ALCAM: variants seen among roughly 807,000 people sequenced by gnomAD.
ALCAM encodes the protein CD166 antigen.
ALCAM carries 30 observed loss-of-function variants against 70.9 expected under a neutral mutation model. The ratio of observed to expected loss-of-function variants is 0.42; its 90% CI spans 0.32 to 0.57. The LOEUF (loss-of-function observed/expected upper bound fraction) is 0.57. Ranked by LOEUF, ALCAM falls within the 20% of genes least tolerant of loss-of-function variation. The pLI, the probability that ALCAM is intolerant of heterozygous loss-of-function variation, is 0.11. For synonymous variants in ALCAM, 249 were observed against 242.5 expected (o/e 1.03, Z -0.25); for missense variants, 591 against 695.1 (o/e 0.85, Z 1.68).
chr3:105,453,650 A>G (rs1937486958), intron 1 of ALCAM, among the ~76,000 whole-genome samples: 1 of 152,194 alleles, frequency 6.6e-6, no homozygotes, highest in African/African-American at 2.4e-5. Context: ...CTGAATCTAT[A>G]AATTACTTTG....
chr3:105,407,283 A>G (rs995240481), intron 1 of ALCAM, among the ~76,000 whole-genome samples: 23 of 151,998 alleles, frequency 1.5e-4, no homozygotes, highest in Admixed American at 2.0e-4. Flanking sequence ...AAAACAACAG[A>G]TCAGTATCCC....
chr3:105,466,574 C>T (rs1937743795), intron 1 of ALCAM, among the ~76,000 whole-genome samples: 2 of 151,172 alleles, frequency 1.3e-5, no homozygotes, highest in Non-Finnish European at 3.0e-5. Context: ...TTTTCATGTG[C>T]CAGGATGTGG....
At chr3:105,488,810 T>C (rs778782391) in intron 1 of ALCAM, among the ~76,000 whole-genome samples, 10 of 152,230 alleles carry the variant, frequency 6.6e-5, no homozygotes, top group Non-Finnish European at 2.9e-5. Flanking sequence ...TACAGGATGT[T>C]AATGCTTGAT....
intron 1 of ALCAM, among the ~76,000 whole-genome samples, chr3:105,379,390 A>G (rs779057680): frequency 6.6e-6 from 1 of 151,872 alleles, no homozygotes; most frequent in Non-Finnish European, 1.5e-5. Flanking sequence ...AATCTCAATG[A>G]ATGTCAAGTA....
intron 1 of ALCAM, among the ~76,000 whole-genome samples, chr3:105,459,920 A>G (rs1937580768): frequency 6.6e-6 from 1 of 152,060 alleles, no homozygotes; most frequent in South Asian, 2.1e-4. Flanking sequence ...TGTGGAAGGG[A>G]AAGCTGTATA....
intron 1 of ALCAM, among the ~76,000 whole-genome samples, chr3:105,474,585 C>T (rs1938040579): frequency 6.8e-6 from 1 of 146,958 alleles, no homozygotes; most frequent in African/African-American, 2.6e-5. Flanking sequence ...AGGCTTAAGC[C>T]TTTTCTTGCG....
chr3:105,560,739 G>A (rs951062536), intron 14 of ALCAM, among the ~76,000 whole-genome samples: 5 of 152,040 alleles, frequency 3.3e-5, no homozygotes, highest in African/African-American at 9.7e-5. Context: ...TTGGTTTTTG[G>A]GTTTGCTGTA....
chr3:105,555,576 A>G (rs2152632790), intron 14 of ALCAM, among the ~76,000 whole-genome samples: 1 of 152,146 alleles, frequency 6.6e-6, no homozygotes, highest in South Asian at 2.1e-4. Flanking sequence ...TTTTAGCAAC[A>G]TTTAGCTAAG....
In ALCAM at chr3:105,492,335, T is replaced by C. The variant is rs75398333; in HGVS notation, c.74-27732T>C. 5.0e-3 allele frequency among the ~76,000 whole-genome samples: 760 copies of C among 152,250 alleles called. 10 individuals are homozygous for C. Among genetic ancestry groups the C allele is most frequent in the Middle Eastern group, 0.014 (4 of 294 alleles). On this transcript the variant is annotated intron_variant, in intron 1 of 15. Transcript: ENST00000306107. Reference sequence around the variant, plus strand: ...AGATGAGAACTGGTTGGGGATACAGTGAAACCATATCACATCTAAACCAGA... The same window carrying C: ...AGATGAGAACTGGTTGGGGATACAGCGAAACCATATCACATCTAAACCAGA...
At chr3:105,371,527 T>TTC (rs1553716961) in intron 1 of ALCAM, among the ~76,000 whole-genome samples, 8 of 151,420 alleles carry the variant, frequency 5.3e-5, no homozygotes, top group Admixed American at 4.6e-4. Context: ...CTTTTTTTTT[T>TTC]TCTCTTTTTT....
At chr3:105,556,175 G>C (rs1940512070) in intron 14 of ALCAM, among the ~76,000 whole-genome samples, 1 of 151,810 alleles carries the variant, frequency 6.6e-6, no homozygotes, top group Non-Finnish European at 1.5e-5. Flanking sequence ...ATATCTCATA[G>C]TACAAGAACT....
intron 1 of ALCAM, among the ~76,000 whole-genome samples, chr3:105,514,138 C>G (rs1939318700): frequency 6.6e-6 from 1 of 151,862 alleles, no homozygotes; most frequent in Non-Finnish European, 1.5e-5. Context: ...GTTTACCAAC[C>G]CAAAACCTCA....
intron 1 of ALCAM, among the ~76,000 whole-genome samples, chr3:105,394,711 T>G (rs1394527130): frequency 6.6e-6 from 1 of 152,008 alleles, no homozygotes; most frequent in Non-Finnish European, 1.5e-5. Context: ...AATTTTCTCC[T>G]GCAATCTATA....
chr3:105,443,007 T>C (rs1937211053), intron 1 of ALCAM, among the ~76,000 whole-genome samples: 1 of 152,048 alleles, frequency 6.6e-6, no homozygotes, highest in South Asian at 2.1e-4. Context: ...TTTTTGTGTA[T>C]AGAGATGGGG....
chr3:105,416,385 T>C (rs574389349), intron 1 of ALCAM, among the ~76,000 whole-genome samples: 1 of 152,134 alleles, frequency 6.6e-6, no homozygotes, highest in Admixed American at 6.6e-5. Context: ...TTACTAAACT[T>C]TTCAGTTCTT....
Position 105,574,904 on chromosome 3 carries a change from A to G in ALCAM, c.*453A>G, listed in dbSNP as rs928566171. The G allele has an allele frequency of 5.2e-5, 8 of 152,580 alleles. No homozygotes were observed. The highest frequency in any genetic ancestry group is 1.9e-4 in the African/African-American group (8 of 41,442). The allele number at this position is 152,580 out of a possible 1,614,324, so 9.5% of individuals were successfully genotyped here. On this transcript the variant is annotated 3_prime_UTR_variant, in exon 16 of 16. Coordinates refer to ENST00000306107, the MANE Select transcript of ALCAM (RefSeq NM_001627.4). The stretch of plus-strand genomic sequence containing the variant: ...TTTCTGATTCTGATTGCTATCAGCA[A>G]TGCCCCAAACTTTCTCATAAGCACC...
In ALCAM at chr3:105,534,720, C is replaced by T; in HGVS notation, c.605C>T (p.Thr202Ile). 6.2e-7 allele frequency: 1 copy of T among 1,613,828 alleles called. No homozygotes were observed. Among genetic ancestry groups the T allele is most frequent in the Admixed American group, 1.7e-5 (1 of 59,994 alleles). Residue 202 changes from threonine (T) to isoleucine (I), a missense_variant, in exon 6 of 16, where the codon ACT becomes ATT. By Grantham distance (89) the Thr-to-Ile change is moderately conservative. This residue lies in a region of ALCAM where 427 missense variants were observed against 450.4 expected (regional missense o/e 0.95). Coordinates refer to ENST00000306107, the MANE Select transcript of ALCAM (RefSeq NM_001627.4). ...CCAGTGACTCAGCTCTATACCATGACTTCCACCCTGGAGTACAAGACAACC... is the reference window on the plus strand; with the variant it reads ...CCAGTGACTCAGCTCTATACCATGATTTCCACCCTGGAGTACAAGACAACC... ...MDPVTQLYTM[T>I]STLEYKTTKA...
At chr3:105,440,562 G>A (rs1937147960) in intron 1 of ALCAM, among the ~76,000 whole-genome samples, 2 of 152,068 alleles carry the variant, frequency 1.3e-5, no homozygotes, top group Admixed American at 6.5e-5. Context: ...CCCAGCAAAT[G>A]GGAAACTTCC....
intron 14 of ALCAM, among the ~76,000 whole-genome samples, chr3:105,568,699 G>A (rs889366973): frequency 2.6e-5 from 4 of 152,094 alleles, no homozygotes; most frequent in Admixed American, 1.3e-4. Flanking sequence ...CCAGCTTTTG[G>A]TCTACTTAGA....
Sources: allele counts gnomAD v4.1 joint callset (sites outside exome capture counted in the v4.1 genomes callset), GRCh38; gene constraint gnomAD v4.1.1; regional missense constraint gnomAD v4.1.1; transcripts MANE v1.5; gene names NCBI Gene and HGNC (gene_info 2026-07-23, HGNC 2026-07-21).